CCDC201: variants seen among roughly 807,000 people sequenced by gnomAD.
CCDC201 encodes the protein coiled-coil domain containing 201.
chr7:45,874,904 G>A (rs1786783652), upstream of CCDC201, among the ~76,000 whole-genome samples: 1 of 152,236 alleles, frequency 6.6e-6, no homozygotes, highest in Non-Finnish European at 1.5e-5. Flanking sequence ...ACTTGTATGA[G>A]TATGTCAGGA....
At chr7:45,874,160 G>A (rs1283786603), upstream of CCDC201, among the ~76,000 whole-genome samples, 1 of 151,926 alleles carries the variant, frequency 6.6e-6, no homozygotes, top group Admixed American at 6.6e-5. Context: ...TGATCTGCCC[G>A]CCTGGCCTCC....
chr7:45,883,324 T>A, the CCDC201 span, among the ~76,000 whole-genome samples: 6 of 152,294 alleles, frequency 3.9e-5, no homozygotes, highest in Middle Eastern at 3.4e-3. Context: ...GATAGGCATT[T>A]ATTTTAGCTC....
chr7:45,861,907 C>T (rs1398912668), exon 3 of CCDC201: 1 of 152,208 alleles, frequency 6.6e-6, no homozygotes, highest in Non-Finnish European at 1.5e-5. Flanking sequence ...TATGAATAAA[C>T]TCTAGCTCTG....
intron 1 of CCDC201, among the ~76,000 whole-genome samples, chr7:45,871,185 A>AT (rs773248692): frequency 6.6e-6 from 1 of 152,204 alleles, no homozygotes; most frequent in Non-Finnish European, 1.5e-5. Context: ...GGAGGATGTC[A>AT]TGTGGCAGAA....
chr7:45,879,361 G>C, the CCDC201 span, among the ~76,000 whole-genome samples: 14 of 152,126 alleles, frequency 9.2e-5, no homozygotes. Flanking sequence ...CTCACTCCTG[G>C]CACCAATTTT....
chr7:45,882,479 G>T, the CCDC201 span, among the ~76,000 whole-genome samples: 1 of 152,238 alleles, frequency 6.6e-6, no homozygotes, highest in Non-Finnish European at 1.5e-5. Context: ...CTCCAGAGCT[G>T]TTCTGCTGTT....
chr7:45,884,087 C>G, the CCDC201 span, among the ~76,000 whole-genome samples: 1 of 130,544 alleles, frequency 7.7e-6, no homozygotes, highest in African/African-American at 2.8e-5. Flanking sequence ...CATTCTTTCT[C>G]CCTTTCTTTC....
chr7:45,863,708 G>T (rs939295357), intron 2 of CCDC201, among the ~76,000 whole-genome samples: 1 of 152,204 alleles, frequency 6.6e-6, no homozygotes, highest in Non-Finnish European at 1.5e-5. Context: ...TGGGGATTTT[G>T]GGTGGCTGAG....
intron 2 of CCDC201, among the ~76,000 whole-genome samples, chr7:45,864,818 A>G (rs1786651314): frequency 6.6e-6 from 1 of 152,186 alleles, no homozygotes; most frequent in Non-Finnish European, 1.5e-5. Flanking sequence ...AGCAAATAGA[A>G]AAGAAACTCA....
chr7:45,883,364 C>A, the CCDC201 span, among the ~76,000 whole-genome samples: 1 of 152,126 alleles, frequency 6.6e-6, no homozygotes, highest in Non-Finnish European at 1.5e-5. Context: ...AATGTGAGAT[C>A]AAGCATCAGG....
intron 1 of CCDC201, among the ~76,000 whole-genome samples, chr7:45,869,456 T>C (rs969755490): frequency 1.3e-5 from 2 of 152,182 alleles, no homozygotes; most frequent in Non-Finnish European, 2.9e-5. Context: ...GAGGTCTGGC[T>C]TCACATCCCA....
At chr7:45,878,366 A>G in the CCDC201 span, among the ~76,000 whole-genome samples, 1 of 152,262 alleles carries the variant, frequency 6.6e-6, no homozygotes, top group African/African-American at 2.4e-5. Flanking sequence ...TTTCACTTCC[A>G]CACTGCCCTA....
chr7:45,873,293 C>G (rs1412777721), upstream of CCDC201, among the ~76,000 whole-genome samples: 3 of 140,448 alleles, frequency 2.1e-5, no homozygotes, highest in Non-Finnish European at 3.1e-5. Flanking sequence ...CCCCCAGCAA[C>G]AAGCCACCTG....
chr7:45,862,625 T>C (rs903112332), exon 3 of CCDC201: 3 of 152,306 alleles, frequency 2.0e-5, no homozygotes, highest in African/African-American at 4.8e-5. Flanking sequence ...CCTTCAATCC[T>C]GCTGTCTCAA....
the CCDC201 span, among the ~76,000 whole-genome samples, chr7:45,882,852 GC>G: frequency 1.3e-5 from 2 of 152,194 alleles, no homozygotes; most frequent in Admixed American, 6.5e-5. Flanking sequence ...AGCACTGAAA[GC>G]TTTCCACACT....
chr7:45,864,936 A>G (rs1247327496), intron 2 of CCDC201, among the ~76,000 whole-genome samples: 3 of 152,172 alleles, frequency 2.0e-5, no homozygotes, highest in African/African-American at 7.2e-5. Flanking sequence ...TTCCAGAGTC[A>G]GATGGGCCCA....
At chr7:45,868,401 A>G (rs1466096433) in intron 1 of CCDC201, among the ~76,000 whole-genome samples, 1 of 152,140 alleles carries the variant, frequency 6.6e-6, no homozygotes, top group Admixed American at 6.5e-5. Context: ...TGCAAAACCT[A>G]TTGCTTGCAC....
chr7:45,862,763 AG>A (rs1786619595), exon 3 of CCDC201: 1 of 152,250 alleles, frequency 6.6e-6, no homozygotes, highest in Non-Finnish European at 1.5e-5. Context: ...GTGTCAGGTA[AG>A]GAACCTGAGG....
In CCDC201 at chr7:45,864,575, C is replaced by T. The variant is rs187516770; in HGVS notation, c.478-1404G>A. 6.0e-3 allele frequency among the ~76,000 whole-genome samples: 912 copies of T among 152,244 alleles called. 10 individuals are homozygous for T. Among genetic ancestry groups the T allele is most frequent in the African/African-American group, 0.021 (865 of 41,556 alleles). On this transcript the variant is annotated intron_variant, in intron 2 of 2. Transcript: ENST00000636578. ...CAGCTCCCACCCAGCCCTGTGATGG[C>T]CCCCTCCAAATCGGGAGGCAGCAGC...
Sources: allele counts gnomAD v4.1 joint callset (sites outside exome capture counted in the v4.1 genomes callset), GRCh38; gene constraint gnomAD v4.1.1; transcripts MANE v1.5; gene names NCBI Gene and HGNC (gene_info 2026-07-23, HGNC 2026-07-21).